FBXL17: variants seen among roughly 807,000 people sequenced by gnomAD.
FBXL17 encodes the protein F-box/LRR-repeat protein 17.
In FBXL17, 22 loss-of-function variants were observed where a neutral mutation model predicts 66.2. The observed-to-expected ratio is 0.33, with a 90% CI of 0.24 to 0.47. The LOEUF is 0.47. Among genes scored for constraint, FBXL17 ranks in the 20% least tolerant of loss-of-function variants. The probability of loss-of-function intolerance (pLI) is 1.00; values close to 1 mark genes in which losing one functional copy is unlikely to be tolerated. For missense variants in FBXL17, 878 were observed against 948.2 expected, an observed-to-expected ratio of 0.93 and a Z score of 0.97; for synonymous variants, 474 against 400.5, an observed-to-expected ratio of 1.18 and a Z score of -2.19.
At chr5:108,280,125 T>A (rs1757644641) in intron 4 of FBXL17, among the ~76,000 whole-genome samples, 1 of 152,006 alleles carries the variant, frequency 6.6e-6, no homozygotes, top group Admixed American at 6.5e-5. Flanking sequence ...GGCTCAGAGA[T>A]CCCCAGGCAA....
chr5:108,021,809 C>T lies in FBXL17; in HGVS notation c.1746-808G>A, dbSNP rs150378961. ...TTGTGTAGTCATACAGACACACAGG[C>T]AAATGCACCCTTCAATGCAGTCCCT... On this transcript the variant is annotated intron_variant, in intron 6 of 8. Coordinates refer to ENST00000542267, the MANE Select transcript of FBXL17 (RefSeq NM_001163315.3). Among the ~76,000 whole-genome samples the T allele has an allele frequency of 1.1e-4, 17 of 151,936 alleles. No individual in the cohort carries two copies. The East Asian group carries it at 1.9e-3, about 17-fold the overall frequency.
intron 6 of FBXL17, among the ~76,000 whole-genome samples, chr5:108,118,405 T>A (rs1005101602): frequency 5.3e-5 from 8 of 152,300 alleles, no homozygotes; most frequent in Admixed American, 5.2e-4. Flanking sequence ...TCTACCCAGG[T>A]GCTCAAGCTA....
intron 7 of FBXL17, among the ~76,000 whole-genome samples, chr5:107,967,104 C>T (rs1752172626): frequency 6.6e-6 from 1 of 152,070 alleles, no homozygotes; most frequent in Admixed American, 6.6e-5. Flanking sequence ...CCCAAGGTAC[C>T]TTCCATCAAC....
chr5:108,344,066 T>C (rs1316931783), intron 4 of FBXL17, among the ~76,000 whole-genome samples: 1 of 152,130 alleles, frequency 6.6e-6, no homozygotes, highest in African/African-American at 2.4e-5. Context: ...TTAAGATAAC[T>C]AAAGCAAGTC....
chr5:108,041,328 C>T (rs899807492), intron 6 of FBXL17, among the ~76,000 whole-genome samples: 20 of 152,256 alleles, frequency 1.3e-4, no homozygotes, highest in African/African-American at 4.6e-4. Context: ...TTTCTCATGT[C>T]GCAAGGCATT....
chr5:108,329,106 TTC>T (rs1258583081), intron 4 of FBXL17, among the ~76,000 whole-genome samples: 1 of 152,134 alleles, frequency 6.6e-6, no homozygotes, highest in Non-Finnish European at 1.5e-5. Flanking sequence ...ATGTAAGAAC[TTC>T]TGTTTATATT....
At chr5:108,242,783 T>C (rs142271149) in intron 4 of FBXL17, among the ~76,000 whole-genome samples, 4 of 152,248 alleles carry the variant, frequency 2.6e-5, no homozygotes, top group African/African-American at 9.6e-5. Flanking sequence ...AAAAGATAAG[T>C]CTCTTTAAAA....
At chr5:108,071,383 T>C (rs1384928664) in intron 6 of FBXL17, among the ~76,000 whole-genome samples, 3 of 152,220 alleles carry the variant, frequency 2.0e-5, no homozygotes, top group Non-Finnish European at 4.4e-5. Flanking sequence ...TCTATTTGGG[T>C]CACATCTCAT....
intron 4 of FBXL17, among the ~76,000 whole-genome samples, chr5:108,311,693 C>T (rs754432512): frequency 3.4e-4 from 52 of 151,570 alleles, no homozygotes; most frequent in Admixed American, 1.4e-3. Flanking sequence ...CATGGAGAAT[C>T]TAAAAAAAAG....
At chr5:108,036,479 T>C (rs1430656415) in intron 6 of FBXL17, among the ~76,000 whole-genome samples, 1 of 152,188 alleles carries the variant, frequency 6.6e-6, no homozygotes, top group Non-Finnish European at 1.5e-5. Context: ...ACATTCCGTA[T>C]CTGGCCCTCA....
rs1046724535 is a variant in FBXL17, at chr5:107,986,729, G to C, written c.1822+34196C>G. ...AAAAGATAAAGCAGATTTTACAATA[G>C]TGCACTATAACTTTCTAGTTAGTAG... is the stretch of plus-strand genomic sequence containing the variant. On this transcript the variant is annotated intron_variant, in intron 7 of 8. Transcript: ENST00000542267. 2.6e-5 allele frequency among the ~76,000 whole-genome samples: 4 copies of C among 151,834 alleles called. No homozygotes were observed. In the East Asian group the frequency reaches 7.7e-4, roughly 29 times the overall value.
chr5:108,204,606 G>A (rs1338055664), intron 5 of FBXL17, among the ~76,000 whole-genome samples: 1 of 152,152 alleles, frequency 6.6e-6, no homozygotes, highest in Non-Finnish European at 1.5e-5. Flanking sequence ...GCTTGCCTTT[G>A]AACTACATGT....
At chr5:108,378,159 G>C (rs1055608290) in intron 1 of FBXL17, among the ~76,000 whole-genome samples, 1 of 151,458 alleles carries the variant, frequency 6.6e-6, no homozygotes, top group Non-Finnish European at 1.5e-5. Flanking sequence ...AAACATCCTT[G>C]TTGATATTGA....
In FBXL17 at chr5:108,093,795, G is replaced by A. The variant is rs148949725; in HGVS notation, c.1746-72794C>T. Among the ~76,000 whole-genome samples the A allele has an allele frequency of 5.1e-4, 78 of 152,200 alleles. 2 individuals are homozygous for A. In the Middle Eastern group the frequency reaches 0.014, roughly 27 times the overall value. On this transcript the variant is annotated intron_variant, in intron 6 of 8. Coordinates refer to ENST00000542267, the MANE Select transcript of FBXL17 (RefSeq NM_001163315.3). ...ATCTTTAACTCAGCGGGGTGTCTAT[G>A]TTTTATTCTAATGCTTAAATTTATT...
chr5:108,268,799 T>C (rs1401770394), intron 4 of FBXL17, among the ~76,000 whole-genome samples: 4 of 152,072 alleles, frequency 2.6e-5, no homozygotes, highest in Admixed American at 6.5e-5. Context: ...GGAGGTAGAA[T>C]TGTACCACTA....
rs114615193 is a variant in FBXL17, at chr5:107,919,302, G to C, written c.1823-38123C>G. ...TTGGCTCCGCTTTCCATCGATCCAG[G>C]ATCCAACAGCTTCTCCCCAATTCCT... is the stretch of plus-strand genomic sequence containing the variant. On this transcript the variant is annotated intron_variant, in intron 7 of 8. Coordinates refer to ENST00000542267, the MANE Select transcript of FBXL17 (RefSeq NM_001163315.3). Among the ~76,000 whole-genome samples the C allele has an allele frequency of 3.9e-3, 594 of 152,186 alleles. 5 individuals are homozygous for C. The highest frequency in any genetic ancestry group is 0.013 in the African/African-American group (555 of 41,530).
At chr5:108,314,861 G>A (rs1410552422) in intron 4 of FBXL17, among the ~76,000 whole-genome samples, 1 of 151,236 alleles carries the variant, frequency 6.6e-6, no homozygotes, top group Admixed American at 6.6e-5. Context: ...TGCAGACTAG[G>A]TTAAGACAGG....
chr5:108,207,638 T>G (rs1032064103), intron 5 of FBXL17, among the ~76,000 whole-genome samples: 9 of 152,314 alleles, frequency 5.9e-5, no homozygotes, highest in East Asian at 1.9e-4. Flanking sequence ...TCCATGACCC[T>G]GCAAAGGACA....
chr5:108,094,924 T>C (rs1270721889), intron 6 of FBXL17, among the ~76,000 whole-genome samples: 1 of 151,826 alleles, frequency 6.6e-6, no homozygotes, highest in African/African-American at 2.4e-5. Flanking sequence ...AAACTGTTTA[T>C]CTTGGCAAGC....
Sources: allele counts gnomAD v4.1 joint callset (sites outside exome capture counted in the v4.1 genomes callset), GRCh38; gene constraint gnomAD v4.1.1; transcripts MANE v1.5; gene names NCBI Gene and HGNC (gene_info 2026-07-23, HGNC 2026-07-21).